Variants in TOX3 observed in about 807,000 individuals in gnomAD.
The protein encoded by TOX3 is CAG trinucleotide repeat-containing gene F9 protein.
TOX3 carries 22 observed loss-of-function variants against 64.3 expected under a neutral mutation model. The observed-to-expected ratio is 0.34, with a 90% CI of 0.24 to 0.49. The LOEUF is 0.49. Among genes scored for constraint, TOX3 ranks in the 20% least tolerant of loss-of-function variants. TOX3 has a pLI of 0.99. For missense variants in TOX3, 661 were observed against 714.4 expected (o/e 0.93, Z 0.85); for synonymous variants, 291 against 273.6 (o/e 1.06, Z -0.63).
chr16:52,500,259 G>A (rs759927157), intron 1 of TOX3, among the ~76,000 whole-genome samples: 3 of 152,180 alleles, frequency 2.0e-5, no homozygotes, highest in Admixed American at 6.5e-5. Context: ...AGAGGATGCA[G>A]CACTATGATT....
chr16:52,474,823 G>T (rs1055749679), intron 1 of TOX3, among the ~76,000 whole-genome samples: 1 of 152,018 alleles, frequency 6.6e-6, no homozygotes, highest in Non-Finnish European at 1.5e-5. Context: ...AATGGCTTCC[G>T]ATTCATTCAA....
At chr16:52,440,023 A>C in intron 6 of TOX3, 55 bp from the exon 7 acceptor site, 1 of 1,365,630 alleles carries the variant, frequency 7.3e-7, no homozygotes, top group Non-Finnish European at 9.8e-7. Context: ...TATTTAAAAT[A>C]TTTAAGCATT....
intron 1 of TOX3, among the ~76,000 whole-genome samples, chr16:52,539,132 CA>C (rs1453783911): frequency 2.6e-5 from 4 of 152,024 alleles, no homozygotes; most frequent in East Asian, 3.9e-4. Flanking sequence ...ATGTGTCTTC[CA>C]AAAAAATAAA....
intron 1 of TOX3, among the ~76,000 whole-genome samples, chr16:52,522,381 T>C (rs1345388): frequency 0.31 from 47,193 of 152,014 alleles, 7,559 homozygotes; most frequent in East Asian, 0.42. Flanking sequence ...AATCAAAATT[T>C]CTGGTTCCCC....
chr16:52,543,370 G>A (rs1963114703), intron 1 of TOX3, among the ~76,000 whole-genome samples: 1 of 152,148 alleles, frequency 6.6e-6, no homozygotes, highest in Non-Finnish European at 1.5e-5. Flanking sequence ...TCACATCAGT[G>A]CTCTAAAAAG....
intron 1 of TOX3, among the ~76,000 whole-genome samples, chr16:52,509,417 T>C (rs1468027864): frequency 6.6e-6 from 1 of 152,242 alleles, no homozygotes; most frequent in Non-Finnish European, 1.5e-5. Context: ...TAATAACTTG[T>C]ACTTCATGTT....
At chr16:52,519,528 T>C (rs1567347923) in intron 1 of TOX3, 4 of 1,545,988 alleles carry the variant, frequency 2.6e-6, no homozygotes, top group Admixed American at 2.0e-5. Flanking sequence ...TACCCTCTTC[T>C]GACTCTTCTG....
At chr16:52,506,123 C>A (rs956502179) in intron 1 of TOX3, among the ~76,000 whole-genome samples, 1 of 152,116 alleles carries the variant, frequency 6.6e-6, no homozygotes, top group Non-Finnish European at 1.5e-5. Flanking sequence ...GTGTTAAATG[C>A]TAAGGCTATT....
chr16:52,543,151 A>G (rs1043037240), intron 1 of TOX3, among the ~76,000 whole-genome samples: 1 of 152,132 alleles, frequency 6.6e-6, no homozygotes, highest in Non-Finnish European at 1.5e-5. Context: ...TTCACCTCAC[A>G]CCCACATTAA....
At chr16:52,516,424 G>T (rs554966161) in intron 1 of TOX3, among the ~76,000 whole-genome samples, 2 of 152,248 alleles carry the variant, frequency 1.3e-5, no homozygotes, top group South Asian at 4.2e-4. Flanking sequence ...TCATTCATCA[G>T]CAGCAATGAA....
chr16:52,438,540 T>C lies in TOX3; in HGVS notation c.*685A>G, dbSNP rs530991618. 129 of 155,866 alleles carry C rather than the reference T, an allele frequency of 8.3e-4. 1 individual carries two copies. In the Middle Eastern group the frequency reaches 0.013, roughly 15 times the overall value. The allele number at this position is 155,866 out of a possible 1,614,324, so 9.7% of individuals were successfully genotyped here. ...TCTAATTGGAATGAATATAATGGGCTAACAGTGGTCATAGATATTGTTACA... is the reference window on the plus strand; with the variant it reads ...TCTAATTGGAATGAATATAATGGGCCAACAGTGGTCATAGATATTGTTACA... On this transcript the variant is annotated 3_prime_UTR_variant, in exon 7 of 7. Coordinates refer to ENST00000219746, the MANE Select transcript of TOX3 (RefSeq NM_001080430.4).
In TOX3 at chr16:52,479,803, G is replaced by C. The variant is rs561179083; in HGVS notation, c.88-11229C>G. Among the ~76,000 whole-genome samples, 4 of 152,192 alleles carry C rather than the reference G, an allele frequency of 2.6e-5. No homozygotes were observed. In the East Asian group the frequency reaches 7.8e-4, roughly 30 times the overall value. On this transcript the variant is annotated intron_variant, in intron 1 of 6. Transcript: ENST00000219746. ...GTGACCTGTTATAAATCCCAATATC[G>C]CTGGGAGGAATAACAACTTAGCTCT...
intron 1 of TOX3, among the ~76,000 whole-genome samples, chr16:52,470,478 C>A (rs1961011149): frequency 6.6e-6 from 1 of 151,880 alleles, no homozygotes; most frequent in South Asian, 2.1e-4. Flanking sequence ...CTAATAGCAC[C>A]TAAAACAACA....
intron 1 of TOX3, among the ~76,000 whole-genome samples, chr16:52,511,385 G>A (rs1041482332): frequency 4.6e-5 from 7 of 152,086 alleles, no homozygotes; most frequent in East Asian, 1.9e-4. Flanking sequence ...CCAGCTACTC[G>A]GGAGGCTGAG....
chr16:52,472,332 G>A (rs1228459265), intron 1 of TOX3, among the ~76,000 whole-genome samples: 1 of 152,142 alleles, frequency 6.6e-6, no homozygotes, highest in African/African-American at 2.4e-5. Context: ...ACATGCTGTG[G>A]ATCACTTGCT....
rs115736110 is a variant in TOX3, at chr16:52,539,916, A to T, written c.87+6721T>A. Among the ~76,000 whole-genome samples the T allele has an allele frequency of 5.9e-3, 892 of 152,088 alleles. 4 individuals carry two copies. The highest frequency in any genetic ancestry group is 0.021 in the African/African-American group (858 of 41,488). On this transcript the variant is annotated intron_variant, in intron 1 of 6. Coordinates refer to ENST00000219746, the MANE Select transcript of TOX3 (RefSeq NM_001080430.4). ...TGTTTAGTGCTTTCTTTTCTTTTGC[A>T]TCCAAATTCACATCTCCTTGATTCA...
intron 2 of TOX3, 59 bp from the exon 3 acceptor site, chr16:52,464,247 G>A: frequency 7.3e-7 from 1 of 1,371,898 alleles, no homozygotes; most frequent in Non-Finnish European, 9.5e-7. Context: ...TATTCCTCCG[G>A]GGAGGGAAAG....
In TOX3 at chr16:52,436,661, T is replaced by C. The variant is rs1959763545; in HGVS notation, c.*2564A>G. On this transcript the variant is annotated 3_prime_UTR_variant, in exon 7 of 7. Coordinates refer to ENST00000219746, the MANE Select transcript of TOX3 (RefSeq NM_001080430.4). The stretch of plus-strand genomic sequence containing the variant: ...GCCTGGTGATTAATTTTATAAACTG[T>C]AGTCATTAAACTTTTTTTTTCCTCT... 1 of 152,276 alleles carries C rather than the reference T, an allele frequency of 6.6e-6. No homozygotes were observed. Among genetic ancestry groups the C allele is most frequent in the African/African-American group, 2.4e-5 (1 of 41,464 alleles). The allele number at this position is 152,276 out of a possible 1,614,324, so 9.4% of individuals were successfully genotyped here. A position where few individuals can be genotyped will look rare whatever the true frequency, so the allele number is the denominator to read the frequency against.
rs962035354 is a variant in TOX3 at position 52,546,592 on chromosome 16, G to C, written c.87+45C>G. ...CCGAGCGCGGGGCGCGCCCAGGATG[G>C]GGAGGTGGCCCCCGCCCCCCGGCCC... On this transcript the variant is annotated intron_variant, in intron 1 of 6. Coordinates refer to ENST00000219746, the MANE Select transcript of TOX3 (RefSeq NM_001080430.4). 21 of 1,507,800 alleles carry C rather than the reference G, an allele frequency of 1.4e-5. No homozygotes were observed. In the East Asian group the frequency reaches 2.7e-4, roughly 20 times the overall value. 93.4% of individuals were successfully genotyped at this position (1,507,800 alleles called of 1,614,324 possible).
Sources: gnomAD v4.1 joint callset for allele counts (sites outside exome capture counted in the v4.1 genomes callset) on GRCh38, gnomAD v4.1.1 for gene constraint, MANE v1.5 for transcripts, NCBI Gene and HGNC (gene_info 2026-07-23, HGNC 2026-07-21) for gene names.